NEGR1: variants seen among roughly 807,000 people sequenced by gnomAD.
NEGR1 encodes the protein neuronal growth regulator 1.
NEGR1 carries 10 observed loss-of-function variants against 40.9 expected under a neutral mutation model. That is an observed-to-expected ratio of 0.24 (90% confidence interval 0.15 to 0.42). The LOEUF (loss-of-function observed/expected upper bound fraction) is 0.42, where lower values mean the gene tolerates loss of function less well. Among genes scored for constraint, NEGR1 ranks in the 10% least tolerant of loss-of-function variants. The pLI, the probability that NEGR1 is intolerant of heterozygous loss-of-function variation, is 1.00. For missense variants in NEGR1, 352 were observed against 438.9 expected (o/e 0.80, Z 1.77); for synonymous variants, 185 against 166.8 (o/e 1.11, Z -0.84).
chr1:71,804,405 C>T (rs768402645), intron 2 of NEGR1, among the ~76,000 whole-genome samples: 1 of 151,468 alleles, frequency 6.6e-6, no homozygotes. Flanking sequence ...TAAGTACAGA[C>T]TGCATACGTA....
intron 1 of NEGR1, among the ~76,000 whole-genome samples, chr1:72,195,421 C>T (rs2821288): frequency 0.48 from 73,011 of 151,678 alleles, 18,278 homozygotes; most frequent in African/African-American, 0.59. Flanking sequence ...TAAAAGTCCA[C>T]GTTAATTTTA....
intron 2 of NEGR1, among the ~76,000 whole-genome samples, chr1:71,875,699 G>A (rs1188458878): frequency 6.6e-6 from 1 of 152,138 alleles, no homozygotes; most frequent in Non-Finnish European, 1.5e-5. Flanking sequence ...TTAGATCCTA[G>A]AGACTGAAAA....
chr1:72,098,920 CTAAAA>C (rs1287873720), intron 1 of NEGR1, among the ~76,000 whole-genome samples: 4 of 151,466 alleles, frequency 2.6e-5, no homozygotes, highest in African/African-American at 9.8e-5. Context: ...AAAAATAAAA[CTAAAA>C]TAAACTTTTG....
At chr1:72,143,713 G>C (rs1340939783) in intron 1 of NEGR1, among the ~76,000 whole-genome samples, 1 of 150,012 alleles carries the variant, frequency 6.7e-6, no homozygotes, top group Non-Finnish European at 1.5e-5. Flanking sequence ...ACTCAATAGT[G>C]AGTATAATTT....
chr1:71,712,904 T>A (rs1240646848), intron 3 of NEGR1, among the ~76,000 whole-genome samples: 2 of 152,142 alleles, frequency 1.3e-5, no homozygotes, highest in Admixed American at 6.5e-5. Context: ...ATGTGCTGCT[T>A]CCCCTTCAAC....
chr1:72,086,639 T>C (rs2821261), intron 1 of NEGR1, among the ~76,000 whole-genome samples: 2,419 of 152,308 alleles, frequency 0.016, 64 homozygotes, highest in African/African-American at 0.056. Flanking sequence ...GCTATAACTT[T>C]GGTTATTTGA....
intron 1 of NEGR1, among the ~76,000 whole-genome samples, chr1:72,254,987 T>C (rs1226389415): frequency 2.6e-5 from 4 of 152,170 alleles, no homozygotes; most frequent in African/African-American, 9.7e-5. Flanking sequence ...TACATTTCAA[T>C]ATATTTGTTC....
chr1:72,114,071 G>A lies in NEGR1; in HGVS notation c.176+168248C>T, dbSNP rs145137751. Among the ~76,000 whole-genome samples, 145 of 151,782 alleles carry A rather than the reference G, an allele frequency of 9.6e-4. No homozygotes were observed. The Middle Eastern group carries it at 0.02, about 21-fold the overall frequency. ...TTGAGTGTTTTCAAAATTGATCAAC[G>A]TATTGAGTGTGATGGTTAATTGTAT... On this transcript the variant is annotated intron_variant, in intron 1 of 6. Coordinates refer to ENST00000357731, the MANE Select transcript of NEGR1 (RefSeq NM_173808.3).
intron 1 of NEGR1, among the ~76,000 whole-genome samples, chr1:72,222,698 T>A (rs983013537): frequency 2.0e-5 from 3 of 152,122 alleles, no homozygotes; most frequent in African/African-American, 7.2e-5. Context: ...GCTGAGATAA[T>A]CCTACGTGAC....
intron 2 of NEGR1, among the ~76,000 whole-genome samples, chr1:71,831,852 G>A (rs1196603534): frequency 1.3e-5 from 2 of 151,936 alleles, no homozygotes; most frequent in Non-Finnish European, 2.9e-5. Flanking sequence ...CTGCTTTTAA[G>A]TGTGGTGTCT....
At chr1:72,061,635 A>T (rs897007915) in intron 1 of NEGR1, among the ~76,000 whole-genome samples, 4 of 151,800 alleles carry the variant, frequency 2.6e-5, no homozygotes, top group African/African-American at 4.8e-5. Flanking sequence ...ACCAAACAAC[A>T]TGTAGCTGGA....
chr1:71,512,289 A>C (rs1207411864), intron 6 of NEGR1, among the ~76,000 whole-genome samples: 4 of 152,304 alleles, frequency 2.6e-5, no homozygotes, highest in African/African-American at 9.6e-5. Context: ...AAAGTATATA[A>C]ATTAAAAAAA....
At chr1:72,080,508 T>C (rs547180536) in intron 1 of NEGR1, among the ~76,000 whole-genome samples, 101 of 152,260 alleles carry the variant, frequency 6.6e-4, no homozygotes, top group African/African-American at 2.3e-3. Flanking sequence ...AAGAATTTCA[T>C]ATTTAAATAT....
chr1:71,820,890 C>G (rs890939915), intron 2 of NEGR1, among the ~76,000 whole-genome samples: 1 of 151,912 alleles, frequency 6.6e-6, no homozygotes. Context: ...ATTTAATTTA[C>G]TAGTCTGAAC....
chr1:71,434,031 T>C (rs10889915), intron 6 of NEGR1, among the ~76,000 whole-genome samples: 145,488 of 152,286 alleles, frequency 0.96, 69,856 homozygotes, highest in East Asian at 1. Flanking sequence ...AAATTGTGTT[T>C]ATATGCAGTT....
chr1:71,470,699 G>C (rs1317569917), intron 6 of NEGR1, among the ~76,000 whole-genome samples: 2 of 152,052 alleles, frequency 1.3e-5, no homozygotes, highest in African/African-American at 4.8e-5. Flanking sequence ...GGGTTAAGAA[G>C]CATTGAACTA....
chr1:72,205,097 A>C (rs543904600), intron 1 of NEGR1, among the ~76,000 whole-genome samples: 19 of 152,228 alleles, frequency 1.2e-4, no homozygotes, highest in Non-Finnish European at 2.4e-4. Context: ...ACAGGATTAC[A>C]ATTGGAAACA....
chr1:72,120,551 G>A (rs1159939234), intron 1 of NEGR1, among the ~76,000 whole-genome samples: 1 of 150,620 alleles, frequency 6.6e-6, no homozygotes, highest in Non-Finnish European at 1.5e-5. Flanking sequence ...GGGTACATGT[G>A]CACATTGTGC....
chr1:72,025,229 T>C (rs990053353), intron 1 of NEGR1, among the ~76,000 whole-genome samples: 2 of 152,148 alleles, frequency 1.3e-5, no homozygotes, highest in African/African-American at 4.8e-5. Context: ...TCAAATTCAA[T>C]CTATTCACAA....
Sources: allele counts gnomAD v4.1 joint callset (sites outside exome capture counted in the v4.1 genomes callset), GRCh38; gene constraint gnomAD v4.1.1; transcripts MANE v1.5; gene names NCBI Gene and HGNC (gene_info 2026-07-23, HGNC 2026-07-21).